NRG2: variants seen among roughly 807,000 people sequenced by gnomAD.
NRG2 encodes the protein pro-neuregulin-2, membrane-bound isoform.
NRG2 carries 27 observed loss-of-function variants against 73.9 expected under a neutral mutation model. The observed-to-expected ratio is 0.37, with a 90% CI of 0.27 to 0.50. The LOEUF is 0.50. Among genes scored for constraint, NRG2 ranks in the 20% least tolerant of loss-of-function variants. NRG2 has a pLI of 0.96. For synonymous variants in NRG2, 532 were observed against 541.0 expected, an observed-to-expected ratio of 0.98 and a Z score of 0.23; for missense variants, 1,126 against 1,210.1, an observed-to-expected ratio of 0.93 and a Z score of 1.03.
At chr5:140,014,919 G>A (rs970826822) in intron 1 of NRG2, among the ~76,000 whole-genome samples, 5 of 152,162 alleles carry the variant, frequency 3.3e-5, no homozygotes, top group Non-Finnish European at 5.9e-5. Flanking sequence ...TCTAAACTCC[G>A]CTCATTCTAC....
rs866546371 is a variant in NRG2, at chr5:140,016,778, G to A, written c.700+25592C>T. On this transcript the variant is annotated intron_variant, in intron 1 of 9. Transcript: ENST00000361474. ...GAGCAGTGAACTAGGTGAGGAGGAGGAAGAGCATCTCGGAGAGAGGGGACA... is the reference window on the plus strand; with the variant it reads ...GAGCAGTGAACTAGGTGAGGAGGAGAAAGAGCATCTCGGAGAGAGGGGACA... 3.3e-5 allele frequency among the ~76,000 whole-genome samples: 5 copies of A among 152,352 alleles called. No homozygotes were observed. In the Middle Eastern group the frequency reaches 0.01, roughly 311 times the overall value.
chr5:139,943,131 G>T (rs1046102659), intron 1 of NRG2, among the ~76,000 whole-genome samples: 1 of 151,614 alleles, frequency 6.6e-6, no homozygotes, highest in East Asian at 1.9e-4. Flanking sequence ...GCGAGCCACC[G>T]TGTCTGGCCT....
At chr5:140,002,945 G>A (rs1758605648) in intron 1 of NRG2, among the ~76,000 whole-genome samples, 3 of 152,336 alleles carry the variant, frequency 2.0e-5, no homozygotes, top group Admixed American at 2.0e-4. Flanking sequence ...TGGAGTGAAA[G>A]AAGAGGAGAA....
intron 1 of NRG2, among the ~76,000 whole-genome samples, chr5:139,907,371 CTG>C (rs1249914727): frequency 2.0e-5 from 3 of 152,186 alleles, no homozygotes; most frequent in Non-Finnish European, 4.4e-5. Context: ...GAACACTTGA[CTG>C]TTGTTTTTCA....
intron 5 of NRG2, among the ~76,000 whole-genome samples, chr5:139,861,926 C>T (rs1476668345): frequency 1.3e-5 from 2 of 152,220 alleles, no homozygotes; most frequent in African/African-American, 4.8e-5. Context: ...GTTCATAGAG[C>T]TGGTCTGGGC....
In NRG2 at chr5:139,880,992, A is replaced by G. The variant is rs1180702861; in HGVS notation, c.873-18T>C. The G allele has an allele frequency of 1.9e-6, 3 of 1,606,336 alleles. No homozygotes were observed. Among genetic ancestry groups the G allele is most frequent in the Non-Finnish European group, 2.6e-6 (3 of 1,173,272 alleles). ...AGTTCTTTCTGGTTAGGGAGGGGAT[A>G]AAAGGGGGAGAGGCGTGAGCCAGGG... On this transcript the variant is annotated intron_variant, in intron 2 of 9. Coordinates refer to ENST00000361474, the MANE Select transcript of NRG2 (RefSeq NM_004883.3).
At chr5:139,927,420 A>G (rs551993251) in intron 1 of NRG2, among the ~76,000 whole-genome samples, 2 of 152,178 alleles carry the variant, frequency 1.3e-5, no homozygotes, top group African/African-American at 4.8e-5. Flanking sequence ...ACTGCACTTA[A>G]TCTTGCTCCT....
intron 1 of NRG2, among the ~76,000 whole-genome samples, chr5:140,027,908 G>T (rs1292781042): frequency 6.6e-6 from 1 of 152,168 alleles, no homozygotes. Context: ...GTAATTCAGA[G>T]GACAGAACCA....
At chr5:139,848,726 G>A (rs1240185686) in intron 9 of NRG2, 29 bp from the exon 10 acceptor site, 3 of 1,273,794 alleles carry the variant, frequency 2.4e-6, no homozygotes, top group East Asian at 9.7e-5. Context: ...GCATGGGCCA[G>A]GGCCAGGCCG....
Position 139,887,220 on chromosome 5 carries a change from G to C in NRG2, c.872+120C>G. The C allele has an allele frequency of 8.5e-7, 1 of 1,169,728 alleles. No homozygotes were observed. The highest frequency in any genetic ancestry group is 2.3e-5 in the East Asian group (1 of 42,640). The allele number at this position is 1,169,728 out of a possible 1,614,324, so 72.5% of individuals were successfully genotyped here. A position where few individuals can be genotyped will look rare whatever the true frequency, so the allele number is the denominator to read the frequency against. Reference sequence around the variant, plus strand: ...GGAAGGGGAGTATGGAGAGGGGCTGGGACTGGTTCCATGGGTGAGTCTGGG... The same window carrying C: ...GGAAGGGGAGTATGGAGAGGGGCTGCGACTGGTTCCATGGGTGAGTCTGGG... On this transcript the variant is annotated intron_variant, in intron 2 of 9. Coordinates refer to ENST00000361474, the MANE Select transcript of NRG2 (RefSeq NM_004883.3). The surrounding 1 kb of genome is among the most constrained non-coding windows in gnomAD (Gnocchi z 4.5).
intron 1 of NRG2, among the ~76,000 whole-genome samples, chr5:140,014,363 A>G (rs1180119788): frequency 1.3e-5 from 2 of 152,106 alleles, no homozygotes; most frequent in Non-Finnish European, 2.9e-5. Flanking sequence ...CAGTCTCTCA[A>G]GTAGCTATAA....
At chr5:139,991,537 G>T (rs1213724685) in intron 1 of NRG2, among the ~76,000 whole-genome samples, 1 of 152,032 alleles carries the variant, frequency 6.6e-6, no homozygotes, top group Non-Finnish European at 1.5e-5. Flanking sequence ...TCAGCTCACT[G>T]AGTGTGCACC....
chr5:139,891,203 G>A (rs1481830300), intron 1 of NRG2, among the ~76,000 whole-genome samples: 1 of 152,206 alleles, frequency 6.6e-6, no homozygotes, highest in Non-Finnish European at 1.5e-5. Context: ...GAGTTCCAGT[G>A]CTGTATTATG....
intron 5 of NRG2, chr5:139,860,008 G>T: frequency 7.7e-7 from 1 of 1,300,822 alleles, no homozygotes; most frequent in Non-Finnish European, 1.1e-6. Flanking sequence ...AGAAACGTTG[G>T]TCAGGACTCC....
At chr5:139,973,413 A>G (rs1756130194) in intron 1 of NRG2, among the ~76,000 whole-genome samples, 1 of 152,142 alleles carries the variant, frequency 6.6e-6, no homozygotes, top group South Asian at 2.1e-4. Context: ...GCTGGAGTAC[A>G]GTGGCACGAT....
chr5:139,857,598 T>A (rs139677583), intron 5 of NRG2, among the ~76,000 whole-genome samples: 1 of 152,156 alleles, frequency 6.6e-6, no homozygotes, highest in Non-Finnish European at 1.5e-5. Flanking sequence ...CCTTTCTGCT[T>A]GCTATTCATG....
At chr5:139,950,379 C>A (rs956266381) in intron 1 of NRG2, among the ~76,000 whole-genome samples, 1 of 152,210 alleles carries the variant, frequency 6.6e-6, no homozygotes, top group African/African-American at 2.4e-5. Flanking sequence ...GTATGATACA[C>A]CTTCTGTAGA....
chr5:139,851,658 G>A lies in NRG2; in HGVS notation c.1718C>T (p.Ala573Val), dbSNP rs368980909. Residue 573 changes from alanine to valine, a missense_variant, in exon 9 of 10, where the codon GCG (alanine) becomes GTG (valine). Around this residue, in one of 3 missense-constraint regions of NRG2, gnomAD observed 539 missense variants for 703.2 expected, o/e 0.77. Coordinates refer to ENST00000361474, the MANE Select transcript of NRG2 (RefSeq NM_004883.3). The surrounding 1 kb of genome is among the most constrained non-coding windows in gnomAD (Gnocchi z 4.2). ...YNLEERRRATAPPYHDSVDSL... is the reference protein window; with the variant it reads ...YNLEERRRATVPPYHDSVDSL... ...GTCCACGGAATCGTGATAGGGTGGC[G>A]CGGTGGCCCTGCGCCGCTCCTCCAG... The A allele has an allele frequency of 5.9e-5, 95 of 1,613,974 alleles. No individual in the cohort carries two copies. The highest frequency in any genetic ancestry group is 8.0e-5 in the African/African-American group (6 of 74,930).
chr5:139,861,621 G>A (rs571753675), intron 5 of NRG2: 136 of 448,988 alleles, frequency 3.0e-4, no homozygotes, highest in South Asian at 1.5e-3. Context: ...TGACCTTGAC[G>A]TTTTGGTTTC....
Sources: allele counts gnomAD v4.1 joint callset (sites outside exome capture counted in the v4.1 genomes callset), GRCh38; gene constraint gnomAD v4.1.1; regional missense constraint gnomAD v4.1.1; non-coding constraint Gnocchi (gnomAD v3.1); transcripts MANE v1.5; gene names NCBI Gene and HGNC (gene_info 2026-07-23, HGNC 2026-07-21).